The following CECR2 variants were observed in gnomAD, a reference collection of about 807,000 sequenced individuals.
The protein encoded by CECR2 is chromatin remodeling regulator CECR2.
CECR2 carries 30 observed loss-of-function variants against 154.5 expected under a neutral mutation model. The ratio of observed to expected loss-of-function variants is 0.19; its 90% CI spans 0.15 to 0.26. The LOEUF is 0.26. Ranked by LOEUF, CECR2 falls within the 10% of genes least tolerant of loss-of-function variation. The pLI is 1.00. For synonymous variants in CECR2, 725 were observed against 683.7 expected (o/e 1.06, Z -0.94); for missense variants, 1,743 against 1,829.3 (o/e 0.95, Z 0.86).
At chr22:17,442,331 A>G (rs1011027771) in intron 1 of CECR2, among the ~76,000 whole-genome samples, 2 of 152,180 alleles carry the variant, frequency 1.3e-5, no homozygotes, top group African/African-American at 4.8e-5. Flanking sequence ...CAGGAGGCCA[A>G]GATGGGAGAG....
chr22:17,409,964 C>CTATT (rs1202467818), intron 1 of CECR2, among the ~76,000 whole-genome samples: 4,834 of 104,746 alleles, frequency 0.046, 1,153 homozygotes, highest in African/African-American at 0.11. Flanking sequence ...TGTTTGCTGT[C>CTATT]TATTTATTTA....
In CECR2 at chr22:17,552,850, G is replaced by T; in HGVS notation, c.*10G>T. 1.3e-6 allele frequency: 2 copies of T among 1,518,066 alleles called. No homozygotes were observed. The highest frequency in any genetic ancestry group is 1.8e-6 in the Non-Finnish European group (2 of 1,126,968). The allele number at this position is 1,518,066 out of a possible 1,614,324, so 94.0% of individuals were successfully genotyped here. A position where few individuals can be genotyped will look rare whatever the true frequency, so the allele number is the denominator to read the frequency against. On this transcript the variant is annotated 3_prime_UTR_variant, in exon 19 of 19. Transcript: ENST00000262608. ...TTTCTTTCAGAGCTAGTCCAAGGAG[G>T]AAATGAGCCCCAAGCAATGGAAAGC... is the stretch of plus-strand genomic sequence containing the variant.
intron 1 of CECR2, among the ~76,000 whole-genome samples, chr22:17,457,155 G>A (rs1021307805): frequency 6.6e-6 from 1 of 152,252 alleles, no homozygotes; most frequent in Non-Finnish European, 1.5e-5. Flanking sequence ...AACCTCCTGA[G>A]TAGCTGGAAT....
At chr22:17,441,294 GGTT>G (rs768085647) in intron 1 of CECR2, among the ~76,000 whole-genome samples, 2 of 152,112 alleles carry the variant, frequency 1.3e-5, no homozygotes, top group Non-Finnish European at 2.9e-5. Flanking sequence ...CAAGTATACT[GGTT>G]GTTGTTGGGA....
At chr22:17,525,610 AAAAAAACAACCC>A (rs2056251478) in intron 9 of CECR2, among the ~76,000 whole-genome samples, 1 of 152,176 alleles carries the variant, frequency 6.6e-6, no homozygotes. Context: ...TGTCTCAATA[AAAAAAACAACCC>A]TTAGTGCATA....
chr22:17,543,729 T>G (rs900763929), intron 16 of CECR2, among the ~76,000 whole-genome samples: 3 of 152,002 alleles, frequency 2.0e-5, no homozygotes, highest in Non-Finnish European at 4.4e-5. Context: ...CCGGCTAATT[T>G]TTATATTTTT....
intron 7 of CECR2, among the ~76,000 whole-genome samples, chr22:17,506,565 T>C (rs1453257918): frequency 6.6e-6 from 1 of 152,258 alleles, no homozygotes; most frequent in Non-Finnish European, 1.5e-5. Flanking sequence ...TATATCTTTG[T>C]GAGTTCAGGC....
chr22:17,523,503 T>C (rs1248508863), intron 8 of CECR2, among the ~76,000 whole-genome samples: 1 of 151,668 alleles, frequency 6.6e-6, no homozygotes, highest in Non-Finnish European at 1.5e-5. Context: ...ACACCTATAA[T>C]CCCTCCACTT....
At chr22:17,421,345 G>T (rs924827608) in intron 1 of CECR2, among the ~76,000 whole-genome samples, 3 of 152,006 alleles carry the variant, frequency 2.0e-5, no homozygotes, top group Non-Finnish European at 4.4e-5. Flanking sequence ...GCCGGGCGCG[G>T]TGGCTCATGC....
chr22:17,514,294 C>T (rs2056012218), intron 8 of CECR2, among the ~76,000 whole-genome samples: 1 of 152,108 alleles, frequency 6.6e-6, no homozygotes, highest in Non-Finnish European at 1.5e-5. Flanking sequence ...GTGCTGCTAA[C>T]GGGAGCAAGG....
At chr22:17,373,425 A>T (rs894598140) in intron 1 of CECR2, among the ~76,000 whole-genome samples, 1 of 152,218 alleles carries the variant, frequency 6.6e-6, no homozygotes, top group Non-Finnish European at 1.5e-5. Context: ...CGTGAAAATT[A>T]TCATAAAATA....
At chr22:17,398,362 T>A (rs1022295715) in intron 1 of CECR2, among the ~76,000 whole-genome samples, 1 of 152,034 alleles carries the variant, frequency 6.6e-6, no homozygotes, top group Non-Finnish European at 1.5e-5. Flanking sequence ...AAATGAGGGT[T>A]GAGTCTGGGG....
chr22:17,422,104 T>TC (rs1371016444), intron 1 of CECR2, among the ~76,000 whole-genome samples: 8 of 152,148 alleles, frequency 5.3e-5, no homozygotes, highest in East Asian at 3.9e-4. Flanking sequence ...TGTTTTTTTT[T>TC]CCCCCCTCTG....
chr22:17,362,543 T>G (rs2062982135), intron 1 of CECR2, among the ~76,000 whole-genome samples: 2 of 127,748 alleles, frequency 1.6e-5, no homozygotes, highest in Non-Finnish European at 3.7e-5. Context: ...AAATAATTTT[T>G]TAGTTCATTT....
chr22:17,379,549 C>T (rs532727501), intron 1 of CECR2, among the ~76,000 whole-genome samples: 1 of 149,070 alleles, frequency 6.7e-6, no homozygotes, highest in Admixed American at 6.7e-5. Flanking sequence ...TATCCATGAC[C>T]AGGTCAAAAG....
chr22:17,477,439 A>G (rs2055227811), intron 1 of CECR2, 149 bp from the exon 2 acceptor site: 2 of 629,904 alleles, frequency 3.2e-6, no homozygotes, highest in Non-Finnish European at 5.6e-6. Flanking sequence ...TTCTCACAGT[A>G]GCCAGAAGGA....
At chr22:17,502,798 G>A (rs760301684) in intron 5 of CECR2, among the ~76,000 whole-genome samples, 6 of 152,048 alleles carry the variant, frequency 3.9e-5, no homozygotes, top group African/African-American at 7.3e-5. Flanking sequence ...GCAAGACTCC[G>A]TCTCAAAAAA....
chr22:17,532,030 CATG>C (rs1174391178), intron 9 of CECR2, among the ~76,000 whole-genome samples: 1 of 151,986 alleles, frequency 6.6e-6, no homozygotes, highest in Non-Finnish European at 1.5e-5. Flanking sequence ...ATTAGCCAGA[CATG>C]GTGGTGCATG....
At position 17,531,655 on chromosome 22, in the gene CECR2, A is replaced by G. The variant is rs185068724; in HGVS notation, c.1109-5448A>G. Among the ~76,000 whole-genome samples the G allele has an allele frequency of 5.3e-5, 8 of 152,360 alleles. No individual in the cohort carries two copies. The East Asian group carries it at 1.3e-3, about 26-fold the overall frequency. ...AGTAAGGCCAAGAGAATGTTCAGAA[A>G]CAATGATTGAGTAGTTTTTTGGTTT... On this transcript the variant is annotated intron_variant, in intron 9 of 18. Transcript: ENST00000262608.
Sources: allele counts gnomAD v4.1 joint callset (sites outside exome capture counted in the v4.1 genomes callset), GRCh38; gene constraint gnomAD v4.1.1; transcripts MANE v1.5; gene names NCBI Gene and HGNC (gene_info 2026-07-23, HGNC 2026-07-21).